MS4A5: variants seen among roughly 807,000 people sequenced by gnomAD.
MS4A5 encodes membrane spanning 4-domains A5, also known as membrane-spanning 4-domains subfamily A member 5.
MS4A5 carries 15 observed loss-of-function variants against 18.2 expected under a neutral mutation model. The ratio of observed to expected loss-of-function variants is 0.83; its 90% CI spans 0.55 to 1.27. The LOEUF (loss-of-function observed/expected upper bound fraction) is 1.27, where lower values mean the gene tolerates loss of function less well. MS4A5 is among the 50% of genes most tolerant of loss of function. MS4A5 has a pLI of 0.00. For missense variants in MS4A5, 232 were observed against 225.7 expected (o/e 1.03, Z -0.18); for synonymous variants, 89 against 78.7 (o/e 1.13, Z -0.69).
chr11:60,430,671 T>A (rs150324635), intron 1 of MS4A5, 125 bp from the exon 2 acceptor site: 334 of 1,080,986 alleles, frequency 3.1e-4, no homozygotes, highest in Non-Finnish European at 4.0e-4. Flanking sequence ...GGGACTTCTA[T>A]TATTCTTCCC....
chr11:60,433,698 A>G, intron 3 of MS4A5, 67 bp from the exon 4 acceptor site: 3 of 1,480,996 alleles, frequency 2.0e-6, no homozygotes, highest in Non-Finnish European at 1.9e-6. Context: ...CATTCTCCGC[A>G]CTCATTGCTT....
intron 2 of MS4A5, among the ~76,000 whole-genome samples, chr11:60,431,444 A>T (rs1037463087): frequency 6.6e-6 from 1 of 152,234 alleles, no homozygotes; most frequent in Non-Finnish European, 1.5e-5. Context: ...ATCAATAAAC[A>T]TTAACTTAGG....
chr11:60,433,225 T>G (rs1206350116), intron 3 of MS4A5, among the ~76,000 whole-genome samples: 1 of 152,114 alleles, frequency 6.6e-6, no homozygotes, highest in Non-Finnish European at 1.5e-5. Context: ...ATAAACAGAA[T>G]CTCAAAATAA....
intron 4 of MS4A5, among the ~76,000 whole-genome samples, chr11:60,447,028 TATGCTATGCTATGCTATGCTATCCC>T (rs1474041249): frequency 5.1e-5 from 7 of 136,260 alleles, no homozygotes; most frequent in East Asian, 2.2e-4. Context: ...GATAATATGC[TATGCTATGCTATGCTATGCTATCCC>T]ATGCTATGCT....
Position 60,433,773 on chromosome 11 carries a change from G to A in MS4A5, c.348G>A (p.Leu116=). The A allele has an allele frequency of 1.2e-6, 2 of 1,613,650 alleles. No homozygotes were observed. Residue 116 remains leucine, a synonymous_variant, in exon 4 of 5, where the codon TTG becomes TTA. Transcript: ENST00000300190. ...KRKTTETLII[L]SRIMNFLSAL... ...TTCTTATTCTATTTCAGATAATATTGAGCCGAATAATGAATTTTCTTAGTG... is the reference window on the plus strand; with the variant it reads ...TTCTTATTCTATTTCAGATAATATTAAGCCGAATAATGAATTTTCTTAGTG...
intron 4 of MS4A5, 42 bp downstream of exon 4, chr11:60,433,959 A>G (rs762128278): frequency 6.4e-6 from 10 of 1,557,306 alleles, no homozygotes; most frequent in Middle Eastern, 1.7e-4. Flanking sequence ...AAAGGGCTTA[A>G]TAGAAAATAT....
At chr11:60,432,782 C>A (rs111516010) in intron 3 of MS4A5, among the ~76,000 whole-genome samples, 7,649 of 124,838 alleles carry the variant, frequency 0.061, 278 homozygotes, top group South Asian at 0.18. Context: ...AAAAAAAAAA[C>A]AAAAAAAAGT....
Position 60,433,844 on chromosome 11 carries a change from T to A in MS4A5, c.419T>A (p.Ile140Asn), listed in dbSNP as rs764857478. The change falls in exon 4 of 5, where the codon ATC (isoleucine) becomes AAC (asparagine). Residue 140 changes from isoleucine to asparagine, a missense_variant. By Grantham distance (149) the Ile-to-Asn change is moderately radical (BLOSUM62 -3). Coordinates refer to ENST00000300190, the MANE Select transcript of MS4A5 (RefSeq NM_023945.3). ...ATCATTCTCCTCACATTTGGTTTCA[T>A]CCTAGATCAAAACTACATTTGTGGT... The part of the protein sequence containing the change: ...AGIILLTFGF[I>N]LDQNYICGYS... 6.2e-7 allele frequency: 1 copy of A among 1,614,106 alleles called. No individual in the cohort carries two copies. The highest frequency in any genetic ancestry group is 1.1e-5 in the South Asian group (1 of 91,078).
Position 60,429,739 on chromosome 11 carries a change from AAT to A in MS4A5, c.68_69del (p.Tyr23Ter), listed in dbSNP as rs761483145. The A allele has an allele frequency of 3.7e-6, 6 of 1,614,034 alleles. No homozygotes were observed. The African/African-American group carries it at 5.3e-5, about 14-fold the overall frequency. ...TTTCCTCCAGAAATCACTGCTTCAG[AAT>A]ATGAGTCCACAGAACTTTCAGCCAC... On this transcript the variant is annotated frameshift_variant, in exon 1 of 5. Transcript: ENST00000300190. LOFTEE classifies it high-confidence loss of function.
intron 4 of MS4A5, among the ~76,000 whole-genome samples, chr11:60,437,779 C>A (rs2086088933): frequency 6.6e-6 from 1 of 151,236 alleles, no homozygotes; most frequent in Admixed American, 6.6e-5. Context: ...AAAGCAAGTC[C>A]TGAGTGACCT....
chr11:60,444,257 C>T (rs1395195399), intron 4 of MS4A5, among the ~76,000 whole-genome samples: 5 of 152,000 alleles, frequency 3.3e-5, no homozygotes, highest in African/African-American at 7.2e-5. Flanking sequence ...GATAATATAC[C>T]GTGGCCAAGT....
intron 4 of MS4A5, among the ~76,000 whole-genome samples, chr11:60,438,022 A>C (rs2086090427): frequency 1.3e-5 from 2 of 152,192 alleles, no homozygotes. Context: ...CATATTGGGA[A>C]GTAAAGCTCT....
chr11:60,443,578 T>G (rs762765006), intron 4 of MS4A5, among the ~76,000 whole-genome samples: 1 of 151,370 alleles, frequency 6.6e-6, no homozygotes, highest in Non-Finnish European at 1.5e-5. Flanking sequence ...AAAATTAAAT[T>G]TAAAGAAAAT....
intron 4 of MS4A5, among the ~76,000 whole-genome samples, chr11:60,437,650 T>C (rs200331603): frequency 0.25 from 36,209 of 144,850 alleles, 4,962 homozygotes; most frequent in Admixed American, 0.36. Context: ...AGACTTTAAA[T>C]CAACAAAGAT....
chr11:60,441,194 G>A (rs11230327), intron 4 of MS4A5, among the ~76,000 whole-genome samples: 70,106 of 123,104 alleles, frequency 0.57, 20,285 homozygotes, highest in Middle Eastern at 0.76. Flanking sequence ...ACCAAACACC[G>A]CATATTCTCA....
At chr11:60,429,914 A>C in intron 1 of MS4A5, 87 bp downstream of exon 1, 1 of 1,260,192 alleles carries the variant, frequency 7.9e-7, no homozygotes, top group Non-Finnish European at 1.1e-6. Flanking sequence ...TGAAGGTAGG[A>C]GCCTATTCCA....
chr11:60,446,577 A>G (rs965380534), intron 4 of MS4A5, among the ~76,000 whole-genome samples: 1 of 152,130 alleles, frequency 6.6e-6, no homozygotes, highest in Admixed American at 6.6e-5. Context: ...TACTAAAAAC[A>G]CAAAAACTAG....
At chr11:60,447,612 T>A (rs1265125396) in intron 4 of MS4A5, 37 bp from the exon 5 acceptor site, 1 of 1,201,250 alleles carries the variant, frequency 8.3e-7, no homozygotes, top group Non-Finnish European at 1.2e-6. Context: ...GCCAACATCA[T>A]GACTCTTCAT....
chr11:60,429,982 T>C (rs1414780538), intron 1 of MS4A5, among the ~76,000 whole-genome samples, 155 bp downstream of exon 1: 1 of 152,098 alleles, frequency 6.6e-6, no homozygotes, highest in Non-Finnish European at 1.5e-5. Context: ...AGAGAGGATG[T>C]TTGAGAAGAA....
Sources: allele counts gnomAD v4.1 joint callset (sites outside exome capture counted in the v4.1 genomes callset), GRCh38; gene constraint gnomAD v4.1.1; transcripts MANE v1.5; gene names NCBI Gene and HGNC (gene_info 2026-07-23, HGNC 2026-07-21).